The following CDS1 variants were observed in gnomAD, a reference collection of about 807,000 sequenced individuals.
The protein encoded by CDS1 is phosphatidate cytidylyltransferase 1.
In CDS1, 41 loss-of-function variants were observed where a neutral mutation model predicts 62.1. The ratio of observed to expected loss-of-function variants is 0.66; its 90% CI spans 0.51 to 0.86. The LOEUF is 0.86. Ranked by LOEUF, CDS1 falls within the 40% of genes least tolerant of loss-of-function variation. The pLI, the probability that CDS1 is intolerant of heterozygous loss-of-function variation, is 0.00. For synonymous variants in CDS1, 185 were observed against 192.6 expected (o/e 0.96, Z 0.32); for missense variants, 470 against 550.1 (o/e 0.85, Z 1.46).
chr4:84,583,594 G>C lies in CDS1; in HGVS notation c.117+76G>C. The C allele has an allele frequency of 4.8e-6, 4 of 827,690 alleles. No homozygotes were observed. In the South Asian group the frequency reaches 7.4e-5, roughly 15 times the overall value. 51.3% of individuals were successfully genotyped at this position (827,690 alleles called of 1,614,324 possible). ...GGAAGCGGGACACTTGAGAGCAAGG[G>C]TGGGGCCCGTCCAGCGTCAGGTGAG... On this transcript the variant is annotated intron_variant, in intron 1 of 12. Transcript: ENST00000295887.
chr4:84,598,500 G>A (rs1433798449), intron 1 of CDS1, among the ~76,000 whole-genome samples: 1 of 151,440 alleles, frequency 6.6e-6, no homozygotes, highest in Non-Finnish European at 1.5e-5. Flanking sequence ...ACTTTTTAAG[G>A]GGCCAGTTGT....
rs1388703040 is a variant in CDS1, at chr4:84,617,214, A to G, written c.343-350A>G. ...CATAATGGACAGGTTGGACAAAAAGATTCTCCATCTTGACAAGGACAATCT... is the reference window on the plus strand; with the variant it reads ...CATAATGGACAGGTTGGACAAAAAGGTTCTCCATCTTGACAAGGACAATCT... On this transcript the variant is annotated intron_variant, in intron 3 of 12. Coordinates refer to ENST00000295887, the MANE Select transcript of CDS1 (RefSeq NM_001263.4). Among the ~76,000 whole-genome samples, 3 of 152,212 alleles carry G rather than the reference A, an allele frequency of 2.0e-5. No homozygotes were observed. The East Asian group carries it at 5.8e-4, about 29-fold the overall frequency.
At chr4:84,605,825 A>G (rs1367996214) in intron 2 of CDS1, among the ~76,000 whole-genome samples, 3 of 152,178 alleles carry the variant, frequency 2.0e-5, no homozygotes, top group African/African-American at 7.2e-5. Flanking sequence ...CAGGCACTTT[A>G]TATGTATTGA....
intron 5 of CDS1, among the ~76,000 whole-genome samples, chr4:84,629,761 G>A (rs1210292364): frequency 6.6e-6 from 1 of 152,138 alleles, no homozygotes; most frequent in Non-Finnish European, 1.5e-5. Flanking sequence ...GGTGAAATTG[G>A]ATTATGTAAA....
Position 84,583,388 on chromosome 4 carries a change from C to T in CDS1, c.-14C>T, listed in dbSNP as rs541821477. 4 of 1,582,810 alleles carry T rather than the reference C, an allele frequency of 2.5e-6. No individual in the cohort carries two copies. The highest frequency in any genetic ancestry group is 2.7e-5 in the African/African-American group (2 of 73,446). ...GTGCTTGAGGAGGCCGCCACGGCAG[C>T]GCGGGAGCGGAAGATGTTGGAGCTG... On this transcript the variant is annotated 5_prime_UTR_variant, in exon 1 of 13. Transcript: ENST00000295887.
At chr4:84,613,811 G>GT (rs890613022) in intron 3 of CDS1, among the ~76,000 whole-genome samples, 2 of 152,002 alleles carry the variant, frequency 1.3e-5, no homozygotes, top group Non-Finnish European at 2.9e-5. Context: ...ATTGAAAGAG[G>GT]TTTTTTCCCC....
intron 1 of CDS1, among the ~76,000 whole-genome samples, chr4:84,598,112 C>T (rs1195617579): frequency 1.0e-4 from 15 of 143,276 alleles, no homozygotes; most frequent in African/African-American, 3.7e-4. Context: ...GGTGACAGAG[C>T]GAGACTCCAT....
rs1459403942 is a variant in CDS1, at chr4:84,599,401, CACACATATATATATATATATATATATAT to C, written c.118-4840_118-4813del. ...ATAATTTGGCAAATTTTGACACACA[CACACATATATATATATATATATATATAT>C]ATATATATATATATATATATATGCC... is the stretch of plus-strand genomic sequence containing the variant. On this transcript the variant is annotated intron_variant, in intron 1 of 12. Transcript: ENST00000295887. Among the ~76,000 whole-genome samples the C allele has an allele frequency of 1.7e-4, 4 of 23,956 alleles. 1 individual carries two copies. The highest frequency in any genetic ancestry group is 6.3e-4 in the Admixed American group (1 of 1,580). 15.7% of individuals were successfully genotyped at this position (23,956 alleles called of 152,430 possible).
At chr4:84,593,263 T>C (rs1273089759) in intron 1 of CDS1, among the ~76,000 whole-genome samples, 1 of 152,132 alleles carries the variant, frequency 6.6e-6, no homozygotes, top group African/African-American at 2.4e-5. Flanking sequence ...TACAAAAAGG[T>C]ATACAAAGTA....
At chr4:84,620,273 A>T (rs1578038217) in intron 5 of CDS1, among the ~76,000 whole-genome samples, 1 of 116,208 alleles carries the variant, frequency 8.6e-6, no homozygotes, top group African/African-American at 3.5e-5. Flanking sequence ...CCCAGGGTGG[A>T]GTGCAGTGGT....
At chr4:84,586,904 G>T (rs1484647599) in intron 1 of CDS1, among the ~76,000 whole-genome samples, 1 of 152,252 alleles carries the variant, frequency 6.6e-6, no homozygotes, top group Non-Finnish European at 1.5e-5. Flanking sequence ...GAGGAGGGGA[G>T]ATATATATTT....
intron 3 of CDS1, among the ~76,000 whole-genome samples, chr4:84,614,706 C>T (rs1313972467): frequency 6.6e-6 from 1 of 152,004 alleles, no homozygotes; most frequent in Non-Finnish European, 1.5e-5. Context: ...CTATGCAAAG[C>T]ATTTTATTTG....
At chr4:84,603,426 G>C (rs1722996519) in intron 1 of CDS1, among the ~76,000 whole-genome samples, 1 of 152,188 alleles carries the variant, frequency 6.6e-6, no homozygotes, top group Admixed American at 6.5e-5. Flanking sequence ...GGATGGAAAG[G>C]GTAGGGCCTG....
At chr4:84,645,389 G>T in intron 12 of CDS1, 64 bp downstream of exon 12, 1 of 975,712 alleles carries the variant, frequency 1.0e-6, no homozygotes, top group Non-Finnish European at 1.6e-6. Context: ...ATCAACATTA[G>T]TTTGAGTAAG....
At chr4:84,598,242 T>G (rs1052173110) in intron 1 of CDS1, among the ~76,000 whole-genome samples, 8 of 152,048 alleles carry the variant, frequency 5.3e-5, no homozygotes, top group Admixed American at 2.0e-4. Context: ...TTCAAGATTT[T>G]TAAAAGGCTG....
chr4:84,602,251 T>G (rs1357842367), intron 1 of CDS1, among the ~76,000 whole-genome samples: 4 of 152,184 alleles, frequency 2.6e-5, no homozygotes, highest in Non-Finnish European at 5.9e-5. Context: ...AAGTTTTTAT[T>G]TTGTGTTTCT....
chr4:84,645,129 AGAGT>A, intron 11 of CDS1, 89 bp from the exon 12 acceptor site: 1 of 783,114 alleles, frequency 1.3e-6, no homozygotes, highest in Non-Finnish European at 2.2e-6. Context: ...TATTTTCGTT[AGAGT>A]GAGTCCATGA....
In CDS1 at chr4:84,631,835, A is replaced by G; in HGVS notation, c.597A>G (p.Val199=). 2 of 1,612,568 alleles carry G rather than the reference A, an allele frequency of 1.2e-6. No homozygotes were observed. Among genetic ancestry groups the G allele is most frequent in the Non-Finnish European group, 1.7e-6 (2 of 1,178,788 alleles). ...ALYLAGFCMF[V]LSLVKKHYRL... Reference sequence around the variant, plus strand: ...CTTGAACAGGTTTCTGCATGTTTGTACTGAGTTTGGTGAAGAAACATTATC... The same window carrying G: ...CTTGAACAGGTTTCTGCATGTTTGTGCTGAGTTTGGTGAAGAAACATTATC... The change falls in exon 6 of 13, where the codon GTA becomes GTG. Residue 199 remains valine (V), a synonymous_variant. Coordinates refer to ENST00000295887, the MANE Select transcript of CDS1 (RefSeq NM_001263.4).
intron 1 of CDS1, among the ~76,000 whole-genome samples, chr4:84,588,019 G>T (rs1722471553): frequency 6.6e-6 from 1 of 152,220 alleles, no homozygotes; most frequent in Non-Finnish European, 1.5e-5. Flanking sequence ...ACAAAAGACA[G>T]CTTTGCAGGG....
Sources: gnomAD v4.1 joint callset for allele counts (sites outside exome capture counted in the v4.1 genomes callset) on GRCh38, gnomAD v4.1.1 for gene constraint, MANE v1.5 for transcripts, NCBI Gene and HGNC (gene_info 2026-07-23, HGNC 2026-07-21) for gene names.